The following PURB variants were observed in gnomAD, a reference collection of about 807,000 sequenced individuals.
The protein encoded by PURB is transcriptional regulator protein Pur-beta.
Under a neutral mutation model 21.1 loss-of-function variants are expected in PURB, and 11 were observed. That is an observed-to-expected ratio of 0.52 (90% CI 0.33 to 0.86). The LOEUF is 0.86. Among genes scored for constraint, PURB ranks in the 40% least tolerant of loss-of-function variants. The pLI is 0.02. For missense variants in PURB, 357 were observed against 456.5 expected (o/e 0.78, Z 1.99); for synonymous variants, 246 against 210.8 (o/e 1.17, Z -1.45).
At position 44,884,192 on chromosome 7, in the gene PURB, C is replaced by T; in HGVS notation, c.*218G>A. 1 of 1,091,114 alleles carries T rather than the reference C, an allele frequency of 9.2e-7. No homozygotes were observed. The highest frequency in any genetic ancestry group is 1.3e-6 in the Non-Finnish European group (1 of 791,626). 67.6% of individuals were successfully genotyped at this position (1,091,114 alleles called of 1,614,324 possible). ...TGAGGAGATGCTGTTTTCCTCTTTG[C>T]AGGTTGCTGTCAGTTCCTTGGAACT... is the stretch of plus-strand genomic sequence containing the variant. On this transcript the variant is annotated 3_prime_UTR_variant, in exon 1 of 1. Coordinates refer to ENST00000395699, the MANE Select transcript of PURB (RefSeq NM_033224.5).
rs777695165 is a variant in PURB, at chr7:44,884,740, G to C, written c.609C>G (p.Gly203=). The change falls in exon 1 of 1, where the codon GGC becomes GGG. Residue 203 remains glycine (G), a synonymous_variant. Transcript: ENST00000395699. ...YGGEDDELAG[G]PGGGAGGPGG... ...CTGGGCCCCCGGCGCCGCCTCCCGG[G>C]CCGCCTGCCAGCTCGTCGTCCTCGC... 4 of 1,611,384 alleles carry C rather than the reference G, an allele frequency of 2.5e-6. No individual in the cohort carries two copies. The highest frequency in any genetic ancestry group is 1.1e-5 in the South Asian group (1 of 91,004).
In PURB at chr7:44,884,068, G is replaced by T. The variant is rs558063715; in HGVS notation, c.*342C>A. 2.9e-5 allele frequency: 10 copies of T among 339,554 alleles called. No homozygotes were observed. The South Asian group carries it at 4.2e-4, about 14-fold the overall frequency. 21.0% of individuals were successfully genotyped at this position (339,554 alleles called of 1,614,324 possible). A position where few individuals can be genotyped will look rare whatever the true frequency, so the allele number is the denominator to read the frequency against. On this transcript the variant is annotated 3_prime_UTR_variant, in exon 1 of 1. Coordinates refer to ENST00000395699, the MANE Select transcript of PURB (RefSeq NM_033224.5). Reference sequence around the variant, plus strand: ...TCTGGGTAACTTGGACATGTTTCTTGCCCTGGATGTGCAAGGATCTATTCC... The same window carrying T: ...TCTGGGTAACTTGGACATGTTTCTTTCCCTGGATGTGCAAGGATCTATTCC...
In PURB at chr7:44,885,424, C is replaced by T. The variant is rs892541770; in HGVS notation, c.-76G>A. 515 of 442,522 alleles carry T rather than the reference C, an allele frequency of 1.2e-3. No individual in the cohort carries two copies. The highest frequency in any genetic ancestry group is 1.5e-3 in the Non-Finnish European group (486 of 333,740). 27.4% of individuals were successfully genotyped at this position (442,522 alleles called of 1,614,324 possible). A position where few individuals can be genotyped will look rare whatever the true frequency, so the allele number is the denominator to read the frequency against. On this transcript the variant is annotated 5_prime_UTR_variant, in exon 1 of 1. Coordinates refer to ENST00000395699, the MANE Select transcript of PURB (RefSeq NM_033224.5). ...CCTCCGGCTCGCGCTCCGGGGCCCCCCAGCCTCGCCCGCCCGGCTCGCTCA... is the reference window on the plus strand; with the variant it reads ...CCTCCGGCTCGCGCTCCGGGGCCCCTCAGCCTCGCCCGCCCGGCTCGCTCA...
In PURB at chr7:44,877,040, T is replaced by C. The variant is rs977344383; in HGVS notation, c.*7370A>G. On this transcript the variant is annotated 3_prime_UTR_variant, in exon 1 of 1. Transcript: ENST00000395699. ...AAGTAATTTCCAACCTAAACTCTAA[T>C]TGTACATCTAGATCAGGAAGCTGTC... 1.3e-5 allele frequency: 2 copies of C among 152,610 alleles called. No homozygotes were observed. The highest frequency in any genetic ancestry group is 2.9e-5 in the Non-Finnish European group (2 of 68,044). The allele number at this position is 152,610 out of a possible 1,614,324, so 9.5% of individuals were successfully genotyped here.
At position 44,884,155 on chromosome 7, in the gene PURB, A is replaced by C; in HGVS notation, c.*255T>G. 1.3e-6 allele frequency: 1 copy of C among 786,882 alleles called. No homozygotes were observed. The allele number at this position is 786,882 out of a possible 1,614,324, so 48.7% of individuals were successfully genotyped here. On this transcript the variant is annotated 3_prime_UTR_variant, in exon 1 of 1. Coordinates refer to ENST00000395699, the MANE Select transcript of PURB (RefSeq NM_033224.5). ...TTGAGAAACAACAGAAGCTGAGACA[A>C]TTTTACGCAGGTGAGGAGATGCTGT...
rs1793896099 is a variant in PURB, at chr7:44,882,762, G to A, written c.*1648C>T. On this transcript the variant is annotated 3_prime_UTR_variant, in exon 1 of 1. Coordinates refer to ENST00000395699, the MANE Select transcript of PURB (RefSeq NM_033224.5). Reference sequence around the variant, plus strand: ...GCGGGGTTACTTGCCTCCTGGTTGAGAAGGTGTCACACAAAGAATACCTGA... The same window carrying A: ...GCGGGGTTACTTGCCTCCTGGTTGAAAAGGTGTCACACAAAGAATACCTGA... 2 of 152,286 alleles carry A rather than the reference G, an allele frequency of 1.3e-5. No individual in the cohort carries two copies. Among genetic ancestry groups the A allele is most frequent in the South Asian group, 4.1e-4 (2 of 4,820 alleles). The allele number at this position is 152,286 out of a possible 1,614,324, so 9.4% of individuals were successfully genotyped here.
rs1281721068 is a variant in PURB, at chr7:44,885,166, G to A, written c.183C>T (p.Ile61=). The A allele has an allele frequency of 1.3e-6, 2 of 1,582,618 alleles. No individual in the cohort carries two copies. The highest frequency in any genetic ancestry group is 3.6e-5 in the Admixed American group (2 of 55,220). The change falls in exon 1 of 1, where the codon ATC becomes ATT. Residue 61 remains isoleucine, a synonymous_variant. Coordinates refer to ENST00000395699, the MANE Select transcript of PURB (RefSeq NM_033224.5). The part of the protein sequence containing the change: ...KQNAKGRFLK[I]AEVGAGGSKS... ...TGGAACCGCCCGCGCCCACCTCGGC[G>A]ATCTTGAGGAAGCGGCCCTTGGCGT...
Position 44,885,094 on chromosome 7 carries a change from G to T in PURB, c.255C>A (p.Asp85Glu). 1 of 1,575,912 alleles carries T rather than the reference G, an allele frequency of 6.3e-7. No individual in the cohort carries two copies. ...LSMAVAAEFRDSLGDFIEHYA... is the reference protein window; with the variant it reads ...LSMAVAAEFRESLGDFIEHYA... ...AGTGTTCTATGAAGTCGCCCAGCGA[G>T]TCGCGGAACTCGGCGGCCACCGCCA... is the stretch of plus-strand genomic sequence containing the variant. Residue 85 changes from aspartate (D) to glutamate (E), a missense_variant, in exon 1 of 1, where the codon GAC becomes GAA. Asp to Glu is a conservative substitution (Grantham distance 45). Coordinates refer to ENST00000395699, the MANE Select transcript of PURB (RefSeq NM_033224.5).
rs757991538 is a variant in PURB at position 44,882,359 on chromosome 7, G to A, written c.*2051C>T. On this transcript the variant is annotated 3_prime_UTR_variant, in exon 1 of 1. Transcript: ENST00000395699. The stretch of plus-strand genomic sequence containing the variant: ...CAATTTAGGAAACATTCTTTGCAAC[G>A]GAGAAAAATTTAAAAGAAAAGCTTT... 1 of 152,396 alleles carries A rather than the reference G, an allele frequency of 6.6e-6. No individual in the cohort carries two copies. Among genetic ancestry groups the A allele is most frequent in the East Asian group, 1.9e-4 (1 of 5,194 alleles). The allele number at this position is 152,396 out of a possible 1,614,324, so 9.4% of individuals were successfully genotyped here. A position where few individuals can be genotyped will look rare whatever the true frequency, so the allele number is the denominator to read the frequency against.
rs532504448 is a variant in PURB at position 44,881,794 on chromosome 7, C to T, written c.*2616G>A. 1.3e-5 allele frequency: 2 copies of T among 154,800 alleles called. No individual in the cohort carries two copies. The highest frequency in any genetic ancestry group is 6.5e-5 in the Admixed American group (1 of 15,290). 9.6% of individuals were successfully genotyped at this position (154,800 alleles called of 1,614,324 possible). The stretch of plus-strand genomic sequence containing the variant: ...ATACTCTATATGCCTCAGACCACTT[C>T]CACATTCTTTCTATTCAGCTAATTA... On this transcript the variant is annotated 3_prime_UTR_variant, in exon 1 of 1. Transcript: ENST00000395699.
At position 44,884,471 on chromosome 7, in the gene PURB, C is replaced by T; in HGVS notation, c.878G>A (p.Arg293Gln). Residue 293 changes from arginine (R) to glutamine (Q), a missense_variant, in exon 1 of 1, where the codon CGA becomes CAA. By Grantham distance (43) the Arg-to-Gln change is conservative (BLOSUM62 1). Transcript: ENST00000395699. ...QERQRDKLYERRGGGSGGGEE... is the reference protein window; with the variant it reads ...QERQRDKLYEQRGGGSGGGEE... ...GCCGCCGCCGCTGCCCCCACCACGT[C>T]GCTCATAAAGCTTATCCCTCTGTCG... 1 of 1,613,910 alleles carries T rather than the reference C, an allele frequency of 6.2e-7. No individual in the cohort carries two copies. The highest frequency in any genetic ancestry group is 8.5e-7 in the Non-Finnish European group (1 of 1,180,012).
rs772557292 is a variant in PURB, at chr7:44,884,712, C to T, written c.637G>A (p.Gly213Ser). ...TCCGGGAGCTCTCCATACAGGCCGC[C>T]CCCTGGGCCCCCGGCGCCGCCTCCC... ...GPGGGAGGPG[G>S]GLYGELPEGT... The change falls in exon 1 of 1, where the codon GGC (glycine) becomes AGC (serine). Residue 213 changes from glycine (G) to serine (S), a missense_variant. By Grantham distance (56) the Gly-to-Ser change is moderately conservative. Transcript: ENST00000395699. 75 of 1,613,118 alleles carry T rather than the reference C, an allele frequency of 4.6e-5. No individual in the cohort carries two copies. The South Asian group carries it at 6.4e-4, about 14-fold the overall frequency.
chr7:44,881,370 G>A lies in PURB; in HGVS notation c.*3040C>T, dbSNP rs1245471951. The stretch of plus-strand genomic sequence containing the variant: ...TTAATAAGCTATTAATAATATTTAC[G>A]AATGAATCTGTGTTTTGCAGGTTTC... On this transcript the variant is annotated 3_prime_UTR_variant, in exon 1 of 1. Coordinates refer to ENST00000395699, the MANE Select transcript of PURB (RefSeq NM_033224.5). The A allele has an allele frequency of 6.6e-6, 1 of 152,408 alleles. No individual in the cohort carries two copies. The highest frequency in any genetic ancestry group is 2.4e-5 in the African/African-American group (1 of 41,388). The allele number at this position is 152,408 out of a possible 1,614,324, so 9.4% of individuals were successfully genotyped here.
rs1793890270 is a variant in PURB, at chr7:44,882,413, GGAT to G, written c.*1994_*1996del. On this transcript the variant is annotated 3_prime_UTR_variant, in exon 1 of 1. Coordinates refer to ENST00000395699, the MANE Select transcript of PURB (RefSeq NM_033224.5). ...AAAATCTGTTTAAAAATTCTACTGTGGATGATGAGAGTAGAGAAATAGTCTGAA... is the reference window on the plus strand; with the variant it reads ...AAAATCTGTTTAAAAATTCTACTGTGGATGAGAGTAGAGAAATAGTCTGAA... 1 of 152,566 alleles carries G rather than the reference GGAT, an allele frequency of 6.6e-6. No homozygotes were observed. The highest frequency in any genetic ancestry group is 2.1e-4 in the South Asian group (1 of 4,832). The allele number at this position is 152,566 out of a possible 1,614,324, so 9.5% of individuals were successfully genotyped here.
chr7:44,884,394 G>A lies in PURB; in HGVS notation c.*16C>T, dbSNP rs755586954. On this transcript the variant is annotated 3_prime_UTR_variant, in exon 1 of 1. Coordinates refer to ENST00000395699, the MANE Select transcript of PURB (RefSeq NM_033224.5). ...GATGGTGGTTGGGTGGAGGCCTGTA[G>A]GGGAAGCTGCCCGTTTCAATCCTCA... is the stretch of plus-strand genomic sequence containing the variant. 17 of 1,609,470 alleles carry A rather than the reference G, an allele frequency of 1.1e-5. No homozygotes were observed. The highest frequency in any genetic ancestry group is 1.7e-5 in the Admixed American group (1 of 59,896).
Position 44,885,392 on chromosome 7 carries a change from C to T in PURB, c.-44G>A, listed in dbSNP as rs1361419701. The T allele has an allele frequency of 1.1e-5, 9 of 799,742 alleles. No individual in the cohort carries two copies. Among genetic ancestry groups the T allele is most frequent in the South Asian group, 5.6e-5 (1 of 17,946 alleles). The allele number at this position is 799,742 out of a possible 1,614,324, so 49.5% of individuals were successfully genotyped here. A position where few individuals can be genotyped will look rare whatever the true frequency, so the allele number is the denominator to read the frequency against. The stretch of plus-strand genomic sequence containing the variant: ...GCCGCCACCGCCCGCCGCGCTCGCG[C>T]CCCCGCCCTCCGGCTCGCGCTCCGG... On this transcript the variant is annotated 5_prime_UTR_variant, in exon 1 of 1. Coordinates refer to ENST00000395699, the MANE Select transcript of PURB (RefSeq NM_033224.5).
chr7:44,877,056 G>A lies in PURB; in HGVS notation c.*7354C>T, dbSNP rs935883610. 6.6e-6 allele frequency: 1 copy of A among 152,530 alleles called. No individual in the cohort carries two copies. The highest frequency in any genetic ancestry group is 2.4e-5 in the African/African-American group (1 of 41,438). 9.4% of individuals were successfully genotyped at this position (152,530 alleles called of 1,614,324 possible). A position where few individuals can be genotyped will look rare whatever the true frequency, so the allele number is the denominator to read the frequency against. On this transcript the variant is annotated 3_prime_UTR_variant, in exon 1 of 1. Transcript: ENST00000395699. ...AAACTCTAATTGTACATCTAGATCAGGAAGCTGTCTCCTGCTATCAAGATT... is the reference window on the plus strand; with the variant it reads ...AAACTCTAATTGTACATCTAGATCAAGAAGCTGTCTCCTGCTATCAAGATT...
chr7:44,881,052 T>A lies in PURB; in HGVS notation c.*3358A>T, dbSNP rs1159007640. On this transcript the variant is annotated 3_prime_UTR_variant, in exon 1 of 1. Transcript: ENST00000395699. ...CAAAACCAAAACATAGAAGGAAGAG[T>A]AGTAGGATCTCTTCACAGATTTTTA... 1 of 152,232 alleles carries A rather than the reference T, an allele frequency of 6.6e-6. No individual in the cohort carries two copies. Among genetic ancestry groups the A allele is most frequent in the Admixed American group, 6.6e-5 (1 of 15,246 alleles). 9.4% of individuals were successfully genotyped at this position (152,232 alleles called of 1,614,324 possible).
chr7:44,879,770 A>C lies in PURB; in HGVS notation c.*4640T>G, dbSNP rs564796529. 3.6e-4 allele frequency: 55 copies of C among 152,778 alleles called. No individual in the cohort carries two copies. Among genetic ancestry groups the C allele is most frequent in the Admixed American group, 2.6e-4 (4 of 15,300 alleles). The allele number at this position is 152,778 out of a possible 1,614,324, so 9.5% of individuals were successfully genotyped here. On this transcript the variant is annotated 3_prime_UTR_variant, in exon 1 of 1. Coordinates refer to ENST00000395699, the MANE Select transcript of PURB (RefSeq NM_033224.5). ...ACTCTTCTTACACAGAGTTAGAACAATATTCATAAGCAATTATCTAAGGGA... is the reference window on the plus strand; with the variant it reads ...ACTCTTCTTACACAGAGTTAGAACACTATTCATAAGCAATTATCTAAGGGA...
Sources: gnomAD v4.1 joint callset for allele counts on GRCh38, gnomAD v4.1.1 for gene constraint, MANE v1.5 for transcripts, NCBI Gene and HGNC (gene_info 2026-07-23, HGNC 2026-07-21) for gene names.